ABLIM1: variants seen among roughly 807,000 people sequenced by gnomAD.
ABLIM1 encodes actin-binding LIM protein 1.
A neutral mutation model predicts 107.0 loss-of-function variants in ABLIM1; 40 were observed. The ratio of observed to expected loss-of-function variants is 0.37; its 90% CI spans 0.29 to 0.49. The LOEUF is 0.49. Among genes scored for constraint, ABLIM1 ranks in the 20% least tolerant of loss-of-function variants. ABLIM1 has a pLI of 0.97. For synonymous variants in ABLIM1, 357 were observed against 357.3 expected (o/e 1.00, Z 0.01); for missense variants, 857 against 1,008.5 (o/e 0.85, Z 2.04).
intron 10 of ABLIM1, among the ~76,000 whole-genome samples, chr10:114,468,858 T>C (rs1270410494): frequency 6.6e-6 from 1 of 151,698 alleles, no homozygotes; most frequent in East Asian, 2.0e-4. Flanking sequence ...GAGACCATCC[T>C]GGCTAACATG....
intron 4 of ABLIM1, among the ~76,000 whole-genome samples, chr10:114,568,688 G>A (rs941179948): frequency 3.9e-5 from 6 of 152,144 alleles, no homozygotes; most frequent in Admixed American, 3.3e-4. Flanking sequence ...ACAAGTACTT[G>A]TTAAAAATAA....
At chr10:114,606,298 C>T (rs553757433) in intron 1 of ABLIM1, among the ~76,000 whole-genome samples, 1 of 152,076 alleles carries the variant, frequency 6.6e-6, no homozygotes, top group African/African-American at 2.4e-5. Flanking sequence ...TGCAGTGGTG[C>T]GATGTCAGCT....
chr10:114,741,467 C>A (rs531766400), intron 1 of ABLIM1, among the ~76,000 whole-genome samples: 1 of 151,752 alleles, frequency 6.6e-6, no homozygotes, highest in Non-Finnish European at 1.5e-5. Flanking sequence ...CCTCGTGATC[C>A]GCCCGCCTCA....
chr10:114,687,983 A>G (rs1159080497), upstream of ABLIM1, among the ~76,000 whole-genome samples: 1 of 152,084 alleles, frequency 6.6e-6, no homozygotes, highest in Non-Finnish European at 1.5e-5. Flanking sequence ...AAGCTCAGCT[A>G]TACAACTTTG....
intron 2 of ABLIM1, among the ~76,000 whole-genome samples, chr10:114,592,045 C>T (rs1489126004): frequency 1.3e-5 from 2 of 152,214 alleles, no homozygotes; most frequent in South Asian, 2.1e-4. Flanking sequence ...GGCTTTTTTC[C>T]TAAGAATTGC....
At chr10:114,716,031 T>TG (rs1263453927) in intron 1 of ABLIM1, among the ~76,000 whole-genome samples, 5 of 152,310 alleles carry the variant, frequency 3.3e-5, no homozygotes, top group African/African-American at 1.2e-4. Context: ...TGTCTGTCTC[T>TG]ACCTTCTCCC....
chr10:114,476,646 A>AAATAAGAATAATAATAAT (rs1555068641), intron 8 of ABLIM1, among the ~76,000 whole-genome samples: 56 of 143,282 alleles, frequency 3.9e-4, no homozygotes, highest in African/African-American at 1.3e-3. Flanking sequence ...CTCTGCCTCA[A>AAATAAGAATAATAATAAT]AATAATAATA....
At position 114,604,061 on chromosome 10, in the gene ABLIM1, T is replaced by C. The variant is rs1305882712; in HGVS notation, c.245-2100A>G. 1.1e-4 allele frequency among the ~76,000 whole-genome samples: 17 copies of C among 152,336 alleles called. 1 individual carries two copies. Among genetic ancestry groups the C allele is most frequent in the Admixed American group, 1.1e-3 (17 of 15,296 alleles). On this transcript the variant is annotated intron_variant, in intron 1 of 22. Coordinates refer to ENST00000533213, the MANE Select transcript of ABLIM1 (RefSeq NM_002313.7). Reference sequence around the variant, plus strand: ...AAGAAAGAAGACAAGTGGTATTTATTGGCATCTACTAAATGCCACACATAG... The same window carrying C: ...AAGAAAGAAGACAAGTGGTATTTATCGGCATCTACTAAATGCCACACATAG...
intron 1 of ABLIM1, among the ~76,000 whole-genome samples, chr10:114,609,851 T>C (rs1392101261): frequency 1.3e-5 from 2 of 152,170 alleles, no homozygotes; most frequent in Non-Finnish European, 2.9e-5. Flanking sequence ...TCAAAATAAC[T>C]GCGTCACAAT....
chr10:114,465,591 T>C (rs1375001550), intron 12 of ABLIM1, 107 bp downstream of exon 12: 6 of 1,414,314 alleles, frequency 4.2e-6, no homozygotes, highest in East Asian at 2.4e-5. Context: ...GGGAGAGGGA[T>C]GGAAATGTTT....
chr10:114,521,972 C>G (rs1200698746), intron 6 of ABLIM1, among the ~76,000 whole-genome samples: 1 of 152,088 alleles, frequency 6.6e-6, no homozygotes, highest in Non-Finnish European at 1.5e-5. Flanking sequence ...TAGAGGATAC[C>G]TCTCCAAGTC....
In ABLIM1 at chr10:114,541,769, T is replaced by C. The variant is rs1187417275; in HGVS notation, c.894+3236A>G. ...AAGAGGTCTCTGCAGCCACAGTGAA[T>C]GCCAAATGACTCAGGTCTTGAAGCA... is the stretch of plus-strand genomic sequence containing the variant. On this transcript the variant is annotated intron_variant, in intron 6 of 22. Transcript: ENST00000533213. Among the ~76,000 whole-genome samples the C allele has an allele frequency of 2.6e-5, 4 of 152,330 alleles. No homozygotes were observed. In the East Asian group the frequency reaches 7.7e-4, roughly 29 times the overall value.
chr10:114,780,581 C>T, the ABLIM1 span, among the ~76,000 whole-genome samples: 2 of 152,114 alleles, frequency 1.3e-5, no homozygotes, highest in Admixed American at 6.6e-5. Context: ...ACCCCCAACC[C>T]CCTGATTCCT....
chr10:114,732,047 T>A (rs928859625), intron 1 of ABLIM1, among the ~76,000 whole-genome samples: 8 of 152,210 alleles, frequency 5.3e-5, no homozygotes, highest in Non-Finnish European at 1.5e-5. Flanking sequence ...TCACCAGCAA[T>A]GTATTAGTGT....
intron 15 of ABLIM1, among the ~76,000 whole-genome samples, chr10:114,447,452 G>T (rs2061185212): frequency 2.0e-5 from 3 of 152,154 alleles, no homozygotes; most frequent in Admixed American, 2.0e-4. Flanking sequence ...CTACAACCCA[G>T]AAATAGTCTA....
intron 2 of ABLIM1, among the ~76,000 whole-genome samples, chr10:114,600,608 T>C (rs954899000): frequency 6.6e-6 from 1 of 152,076 alleles, no homozygotes; most frequent in East Asian, 1.9e-4. Flanking sequence ...CAATGCTAAG[T>C]CTTTGTGACG....
intron 1 of ABLIM1, among the ~76,000 whole-genome samples, chr10:114,644,629 C>T (rs1387281120): frequency 6.6e-6 from 1 of 152,068 alleles, no homozygotes; most frequent in East Asian, 1.9e-4. Context: ...TTAGCAGACA[C>T]TGGATCAGAG....
intron 1 of ABLIM1, among the ~76,000 whole-genome samples, chr10:114,627,054 C>G (rs187401700): frequency 7.2e-5 from 11 of 152,272 alleles, no homozygotes; most frequent in African/African-American, 2.6e-4. Flanking sequence ...TGAGACAATA[C>G]ATTTCTGTGG....
intron 1 of ABLIM1, among the ~76,000 whole-genome samples, chr10:114,700,194 C>A (rs1203163337): frequency 3.3e-5 from 5 of 152,158 alleles, no homozygotes; most frequent in Non-Finnish European, 7.3e-5. Context: ...ATGAAGGATG[C>A]ATTCGAGCAT....
Sources: allele counts gnomAD v4.1 joint callset (sites outside exome capture counted in the v4.1 genomes callset), GRCh38; gene constraint gnomAD v4.1.1; transcripts MANE v1.5; gene names NCBI Gene and HGNC (gene_info 2026-07-23, HGNC 2026-07-21).